ASPH: variants seen among roughly 807,000 people sequenced by gnomAD.
The protein encoded by ASPH is aspartate beta-hydroxylase.
Under a neutral mutation model 118.4 loss-of-function variants are expected in ASPH, and 100 were observed. The ratio of observed to expected loss-of-function variants is 0.84; its 90% confidence interval spans 0.72 to 1.00. ASPH has a LOEUF of 1.00. ASPH is among the 50% of genes least tolerant of loss of function. ASPH has a pLI of 0.00. For synonymous variants in ASPH, 315 were observed against 325.6 expected (o/e 0.97, Z 0.35); for missense variants, 920 against 919.5 (o/e 1.00, Z -0.01).
chr8:61,684,216 TAAG>T (rs1329417825), intron 1 of ASPH, 28 bp from the exon 2 acceptor site: 6 of 1,587,430 alleles, frequency 3.8e-6, no homozygotes, highest in Admixed American at 3.6e-5. Flanking sequence ...TAAGATATCA[TAAG>T]AAGAAAACAT....
At chr8:61,676,283 G>C in intron 3 of ASPH, 4 of 1,587,700 alleles carry the variant, frequency 2.5e-6, no homozygotes, top group Non-Finnish European at 3.4e-6. Flanking sequence ...TTCCTCAAGA[G>C]AATCAATATT....
At chr8:61,582,329 G>T (rs6471960) in intron 15 of ASPH, among the ~76,000 whole-genome samples, 127,822 of 152,082 alleles carry the variant, frequency 0.84, 53,934 homozygotes, top group Non-Finnish European at 0.88. Context: ...CTGCTCATAT[G>T]TTTTTTACAC....
In ASPH at chr8:61,654,611, T is replaced by C. The variant is rs143103113; in HGVS notation, c.323-951A>G. ...AAATTTTCATTTCGATGTATTACTC[T>C]TCTTTTTTATTATTTTTCCTATGTC... On this transcript the variant is annotated intron_variant, in intron 3 of 24. Transcript: ENST00000379454. Among the ~76,000 whole-genome samples, 134 of 152,350 alleles carry C rather than the reference T, an allele frequency of 8.8e-4. 1 individual carries two copies. Among genetic ancestry groups the C allele is most frequent in the African/African-American group, 2.9e-3 (121 of 41,584 alleles).
Position 61,502,618 on chromosome 8 carries a change from T to C in ASPH, c.*741A>G, listed in dbSNP as rs908680712. 2.0e-5 allele frequency: 3 copies of C among 152,226 alleles called. No homozygotes were observed. Among genetic ancestry groups the C allele is most frequent in the Admixed American group, 1.3e-4 (2 of 15,286 alleles). 9.4% of individuals were successfully genotyped at this position (152,226 alleles called of 1,614,324 possible). A position where few individuals can be genotyped will look rare whatever the true frequency, so the allele number is the denominator to read the frequency against. On this transcript the variant is annotated 3_prime_UTR_variant, in exon 25 of 25. Transcript: ENST00000379454. ...AACAATATAAAATAATTCCATGCTCTTTTTTCGGTGTGAAAAGTTCCTCTT... is the reference window on the plus strand; with the variant it reads ...AACAATATAAAATAATTCCATGCTCCTTTTTCGGTGTGAAAAGTTCCTCTT...
At chr8:61,623,832 C>G (rs560761948) in intron 13 of ASPH, 12 of 152,152 alleles carry the variant, frequency 7.9e-5, no homozygotes, top group African/African-American at 2.9e-4. Flanking sequence ...TACTACTCAG[C>G]CATAAAAAAG....
intron 14 of ASPH, among the ~76,000 whole-genome samples, chr8:61,597,940 T>C (rs959476731): frequency 3.3e-5 from 5 of 152,070 alleles, no homozygotes; most frequent in African/African-American, 4.8e-5. Context: ...CACCAAAGTA[T>C]AAACAAAGTA....
rs1554583411 is a variant in ASPH, at chr8:61,500,974, A to AATT, written c.*2382_*2384dup. On this transcript the variant is annotated 3_prime_UTR_variant, in exon 25 of 25. Transcript: ENST00000379454. ...TCTTTCTCAATGGATCTAATGTTTTAATTTTTTCCCCTATTGGTAGAGAAC... is the reference window on the plus strand; with the variant it reads ...TCTTTCTCAATGGATCTAATGTTTTAATTATTTTTTCCCCTATTGGTAGAGAAC... 6.6e-6 allele frequency: 1 copy of AATT among 152,190 alleles called. No individual in the cohort carries two copies. Among genetic ancestry groups the AATT allele is most frequent in the Non-Finnish European group, 1.5e-5 (1 of 68,022 alleles). 9.4% of individuals were successfully genotyped at this position (152,190 alleles called of 1,614,324 possible).
rs555688633 is a variant in ASPH, at chr8:61,709,573, C to T, written c.103+4696G>A. On this transcript the variant is annotated intron_variant, in intron 1 of 24. Transcript: ENST00000379454. Reference sequence around the variant, plus strand: ...CCGATAGATGGCTGAGGCTTTTCCCCGGAGGTTTAGGTGGGGTGTACATAG... The same window carrying T: ...CCGATAGATGGCTGAGGCTTTTCCCTGGAGGTTTAGGTGGGGTGTACATAG... Among the ~76,000 whole-genome samples, 38 of 152,238 alleles carry T rather than the reference C, an allele frequency of 2.5e-4. 1 individual carries two copies. Among genetic ancestry groups the T allele is most frequent in the African/African-American group, 7.5e-4 (31 of 41,540 alleles).
chr8:61,706,193 T>A (rs573128858), intron 1 of ASPH, among the ~76,000 whole-genome samples: 2 of 151,342 alleles, frequency 1.3e-5, no homozygotes, highest in African/African-American at 4.9e-5. Flanking sequence ...GAAGTCGAGA[T>A]GAGCAGACCA....
intron 6 of ASPH, 139 bp from the exon 7 acceptor site, chr8:61,644,771 G>T: frequency 1.9e-6 from 1 of 533,524 alleles, no homozygotes; most frequent in Non-Finnish European, 3.0e-6. Context: ...TTAAAAGTCT[G>T]CTTAACACTT....
intron 13 of ASPH, chr8:61,624,719 G>T (rs1394896955): frequency 1.0e-6 from 1 of 985,566 alleles, no homozygotes; most frequent in Non-Finnish European, 1.2e-6. Context: ...AACGTCCAGA[G>T]TTCTACAAAA....
At chr8:61,653,502 GT>G in intron 4 of ASPH, 65 bp downstream of exon 4, 1 of 1,476,174 alleles carries the variant, frequency 6.8e-7, no homozygotes, top group Non-Finnish European at 9.3e-7. Flanking sequence ...ACGTGATTCT[GT>G]AAATGCGGAT....
intron 14 of ASPH, among the ~76,000 whole-genome samples, chr8:61,614,809 C>A (rs112842222): frequency 2.5e-4 from 38 of 152,104 alleles, no homozygotes; most frequent in Admixed American, 2.0e-3. Context: ...TATTTGACCT[C>A]TCTCACTCCA....
intron 14 of ASPH, among the ~76,000 whole-genome samples, chr8:61,617,198 C>T (rs578156505): frequency 9.9e-5 from 15 of 152,084 alleles, no homozygotes; most frequent in South Asian, 8.3e-4. Context: ...TAAGAGAGTG[C>T]GTGTATATGG....
At chr8:61,578,991 A>T (rs1836407184) in intron 15 of ASPH, 19 of 1,610,874 alleles carry the variant, frequency 1.2e-5, no homozygotes, top group Non-Finnish European at 1.5e-5. Flanking sequence ...GGACATGGAC[A>T]GCATCATTGC....
intron 1 of ASPH, chr8:61,684,456 G>T: frequency 3.5e-6 from 1 of 289,230 alleles, no homozygotes; most frequent in Non-Finnish European, 6.4e-6. Context: ...TTCCATCCAA[G>T]TTACTCATCA....
chr8:61,681,443 A>G (rs1589130863), intron 2 of ASPH, among the ~76,000 whole-genome samples: 1 of 151,954 alleles, frequency 6.6e-6, no homozygotes, highest in East Asian at 1.9e-4. Context: ...ATTTCATCAC[A>G]CTATCAATAT....
chr8:61,537,580 G>T (rs1820114195), intron 21 of ASPH, among the ~76,000 whole-genome samples: 1 of 152,016 alleles, frequency 6.6e-6, no homozygotes, highest in Non-Finnish European at 1.5e-5. Context: ...GTCTTGCTAT[G>T]TTGCCCAGGC....
At chr8:61,505,634 C>T (rs189066881) in intron 24 of ASPH, among the ~76,000 whole-genome samples, 68 of 152,116 alleles carry the variant, frequency 4.5e-4, no homozygotes, top group African/African-American at 1.3e-3. Flanking sequence ...TGCATGAAAA[C>T]GGACTAATAC....
Sources: gnomAD v4.1 joint callset for allele counts (sites outside exome capture counted in the v4.1 genomes callset) on GRCh38, gnomAD v4.1.1 for gene constraint, MANE v1.5 for transcripts, NCBI Gene and HGNC (gene_info 2026-07-23, HGNC 2026-07-21) for gene names.